The following PCSK2 variants were observed in gnomAD, a reference collection of about 807,000 sequenced individuals.
PCSK2 encodes the protein proprotein convertase subtilisin/kexin type 2, also known as neuroendocrine convertase 2.
Under a neutral mutation model 69.7 loss-of-function variants are expected in PCSK2, and 14 were observed. The observed-to-expected ratio is 0.20, with a 90% CI of 0.13 to 0.31. The LOEUF (loss-of-function observed/expected upper bound fraction) is 0.31. PCSK2 is among the 10% of genes least tolerant of loss of function. PCSK2 has a pLI of 1.00. For synonymous variants in PCSK2, 307 were observed against 320.7 expected (o/e 0.96, Z 0.46); for missense variants, 544 against 842.5 (o/e 0.65, Z 4.39).
At chr20:17,369,142 C>T in intron 4 of PCSK2, 98 bp from the exon 5 acceptor site, 1 of 1,000,780 alleles carries the variant, frequency 1.0e-6, no homozygotes. Context: ...CCTTCTGGCA[C>T]CAGCCCCATA....
At chr20:17,278,440 A>G (rs1325535333) in intron 2 of PCSK2, among the ~76,000 whole-genome samples, 1 of 152,186 alleles carries the variant, frequency 6.6e-6, no homozygotes, top group Admixed American at 6.5e-5. Flanking sequence ...TGAAGCTGGA[A>G]ACCATCATTC....
At chr20:17,424,395 C>T (rs61491461) in intron 6 of PCSK2, among the ~76,000 whole-genome samples, 1 of 152,088 alleles carries the variant, frequency 6.6e-6, no homozygotes, top group African/African-American at 2.4e-5. Context: ...ATTTAGTACA[C>T]TTGTTACCTC....
intron 5 of PCSK2, among the ~76,000 whole-genome samples, chr20:17,371,195 G>C (rs557829507): frequency 6.6e-6 from 1 of 152,262 alleles, no homozygotes; most frequent in East Asian, 1.9e-4. Flanking sequence ...CCCCACAAAG[G>C]CCTAAGACAT....
chr20:17,453,602 G>A lies in PCSK2; in HGVS notation c.886-140G>A. On this transcript the variant is annotated intron_variant, in intron 8 of 11. Coordinates refer to ENST00000262545, the MANE Select transcript of PCSK2 (RefSeq NM_002594.5). The surrounding 1 kb of genome is among the most constrained non-coding windows in gnomAD (Gnocchi z 4.0). ...CCACAATGCCCTGCCAGAAGGATAT[G>A]GTGTCCAACCCAGTTTAAAAAGTGC... The A allele has an allele frequency of 1.4e-6, 1 of 723,588 alleles. No homozygotes were observed. Among genetic ancestry groups the A allele is most frequent in the Non-Finnish European group, 2.2e-6 (1 of 458,672 alleles). The allele number at this position is 723,588 out of a possible 1,614,324, so 44.8% of individuals were successfully genotyped here. A position where few individuals can be genotyped will look rare whatever the true frequency, so the allele number is the denominator to read the frequency against.
intron 1 of PCSK2, among the ~76,000 whole-genome samples, chr20:17,232,321 C>T (rs571096107): frequency 5.3e-5 from 8 of 152,294 alleles, no homozygotes; most frequent in Middle Eastern, 3.4e-3. Flanking sequence ...TCCAGCTGCT[C>T]CACATTCTCA....
At chr20:17,338,681 G>A (rs548750312) in intron 2 of PCSK2, among the ~76,000 whole-genome samples, 1 of 152,186 alleles carries the variant, frequency 6.6e-6, no homozygotes, top group South Asian at 2.1e-4. Context: ...GGCACTTCCG[G>A]GAACTCAGAA....
Position 17,465,371 on chromosome 20 carries a change from C to T in PCSK2, c.1248C>T (p.Thr416=). ...ACATGCAGCATCTGACTGTGCTCACCTCCAAACGGAACCAGCTTCACGACG... is the reference window on the plus strand; with the variant it reads ...ACATGCAGCATCTGACTGTGCTCACTTCCAAACGGAACCAGCTTCACGACG... The part of the protein sequence containing the change: ...WRDMQHLTVL[T]SKRNQLHDEV... The change falls in exon 11 of 12, where the codon ACC becomes ACT. Residue 416 remains threonine, a synonymous_variant. Transcript: ENST00000262545. 1 of 1,614,176 alleles carries T rather than the reference C, an allele frequency of 6.2e-7. No homozygotes were observed.
intron 5 of PCSK2, among the ~76,000 whole-genome samples, chr20:17,399,903 GAAC>G (rs2031596757): frequency 6.6e-6 from 1 of 152,118 alleles, no homozygotes; most frequent in African/African-American, 2.4e-5. Context: ...TTTCTATAAG[GAAC>G]AACATAATCA....
chr20:17,348,291 T>G (rs924480282), intron 2 of PCSK2, among the ~76,000 whole-genome samples: 1 of 152,204 alleles, frequency 6.6e-6, no homozygotes, highest in Non-Finnish European at 1.5e-5. Flanking sequence ...AAGATTAAAG[T>G]CCAGGCATCT....
At chr20:17,431,982 C>T (rs146045105) in intron 7 of PCSK2, among the ~76,000 whole-genome samples, 1 of 152,214 alleles carries the variant, frequency 6.6e-6, no homozygotes, top group Non-Finnish European at 1.5e-5. Flanking sequence ...TCGAGGTGTT[C>T]GTTCGTTACA....
At chr20:17,411,832 A>AGCAATATTTGCTGTTCT (rs997291753) in intron 6 of PCSK2, among the ~76,000 whole-genome samples, 1 of 152,246 alleles carries the variant, frequency 6.6e-6, no homozygotes, top group Non-Finnish European at 1.5e-5. Flanking sequence ...AAGATCAGGC[A>AGCAATATTTGCTGTTCT]GCAATATTTG....
intron 1 of PCSK2, among the ~76,000 whole-genome samples, chr20:17,250,714 A>G (rs1165163870): frequency 6.6e-6 from 1 of 152,178 alleles, no homozygotes. Flanking sequence ...ATTTTAAAAA[A>G]ACACTAAAAC....
At chr20:17,296,143 A>G (rs1296270073) in intron 2 of PCSK2, among the ~76,000 whole-genome samples, 2 of 152,176 alleles carry the variant, frequency 1.3e-5, no homozygotes, top group Non-Finnish European at 2.9e-5. Context: ...TGTGACTGCC[A>G]GTGTAAAGCA....
chr20:17,333,226 T>C (rs1990248672), intron 2 of PCSK2, among the ~76,000 whole-genome samples: 1 of 152,154 alleles, frequency 6.6e-6, no homozygotes, highest in Non-Finnish European at 1.5e-5. Flanking sequence ...AGAAAAAGAA[T>C]GATAAAGCAA....
intron 6 of PCSK2, 52 bp downstream of exon 6, chr20:17,409,391 C>A: frequency 7.8e-7 from 1 of 1,277,930 alleles, no homozygotes; most frequent in Non-Finnish European, 1.1e-6. Context: ...GGGTTTTATT[C>A]TACTTTGTTT....
chr20:17,439,161 G>A (rs1304875540), intron 8 of PCSK2, among the ~76,000 whole-genome samples: 1 of 151,580 alleles, frequency 6.6e-6, no homozygotes, highest in Non-Finnish European at 1.5e-5. Flanking sequence ...TTTGAGATAG[G>A]GTCTCACTGC....
At chr20:17,237,779 T>TAAAGG (rs1464661315) in intron 1 of PCSK2, among the ~76,000 whole-genome samples, 3 of 152,022 alleles carry the variant, frequency 2.0e-5, no homozygotes, top group Non-Finnish European at 4.4e-5. Flanking sequence ...AAGGCAGGAA[T>TAAAGG]AAAGGGTACA....
intron 2 of PCSK2, among the ~76,000 whole-genome samples, chr20:17,326,140 C>T (rs1990044066): frequency 6.6e-6 from 1 of 152,228 alleles, no homozygotes; most frequent in African/African-American, 2.4e-5. Context: ...CCTCCACCCA[C>T]AATGGGTACA....
intron 2 of PCSK2, among the ~76,000 whole-genome samples, chr20:17,334,248 A>G (rs1204632250): frequency 6.6e-6 from 1 of 152,066 alleles, no homozygotes; most frequent in Non-Finnish European, 1.5e-5. Flanking sequence ...TGTAGGAATA[A>G]CGCCTCTCAC....
Sources: gnomAD v4.1 joint callset for allele counts (sites outside exome capture counted in the v4.1 genomes callset) on GRCh38, gnomAD v4.1.1 for gene constraint, Gnocchi (gnomAD v3.1) non-coding constraint, MANE v1.5 for transcripts, NCBI Gene and HGNC (gene_info 2026-07-23, HGNC 2026-07-21) for gene names.